NPEPPS: variants seen among roughly 807,000 people sequenced by gnomAD.
NPEPPS encodes the protein aminopeptidase puromycin sensitive, also known as puromycin-sensitive aminopeptidase.
In NPEPPS, 14 loss-of-function variants were observed where a neutral mutation model predicts 115.5. That is an observed-to-expected ratio of 0.12 (90% CI 0.08 to 0.19). The LOEUF (loss-of-function observed/expected upper bound fraction) is 0.19, where lower values mean the gene tolerates loss of function less well. Ranked by LOEUF, NPEPPS falls within the 10% of genes least tolerant of loss-of-function variation. The probability of loss-of-function intolerance (pLI) is 1.00; values close to 1 mark genes in which losing one functional copy is unlikely to be tolerated. For missense variants in NPEPPS, 523 were observed against 1,110.8 expected, an observed-to-expected ratio of 0.47 and a Z score of 7.52; for synonymous variants, 285 against 390.6, an observed-to-expected ratio of 0.73 and a Z score of 3.19.
chr17:47,605,632 T>C (rs1448334432), intron 17 of NPEPPS, 80 bp downstream of exon 17: 3 of 851,318 alleles, frequency 3.5e-6, no homozygotes, highest in Non-Finnish European at 5.6e-6. Context: ...ATTAATATCA[T>C]CTTTGTATCT....
chr17:47,619,933 T>C (rs996346382), intron 22 of NPEPPS, 149 bp downstream of exon 22: 8 of 635,796 alleles, frequency 1.3e-5, no homozygotes, highest in Admixed American at 1.1e-4. Context: ...TAGGCCATAT[T>C]AAGAATTTCC....
chr17:47,601,955 T>C (rs935430384), intron 15 of NPEPPS: 6 of 535,938 alleles, frequency 1.1e-5, no homozygotes, highest in Non-Finnish European at 1.9e-5. Context: ...TCCAAAGGCA[T>C]AGGACTAAGG....
At chr17:47,608,981 G>A (rs746134334) in intron 17 of NPEPPS, among the ~76,000 whole-genome samples, 2 of 152,046 alleles carry the variant, frequency 1.3e-5, no homozygotes, top group African/African-American at 4.8e-5. Flanking sequence ...GAGAGGAAAT[G>A]GAGACAACAC....
chr17:47,586,929 T>C (rs2143857007), intron 8 of NPEPPS: 1 of 400,408 alleles, frequency 2.5e-6, no homozygotes, highest in South Asian at 2.1e-5. Context: ...GACTTTCTTC[T>C]CTCTCCATCT....
chr17:47,551,205 C>T (rs1166861550), intron 2 of NPEPPS, among the ~76,000 whole-genome samples: 7 of 151,974 alleles, frequency 4.6e-5, no homozygotes, highest in African/African-American at 1.7e-4. Flanking sequence ...GATGTGTATA[C>T]ATGAATAACT....
intron 3 of NPEPPS, among the ~76,000 whole-genome samples, chr17:47,572,066 G>A (rs1223321102): frequency 6.6e-6 from 1 of 151,998 alleles, no homozygotes; most frequent in African/African-American, 2.4e-5. Flanking sequence ...ATCATGCATG[G>A]CAGAGGGCAG....
intron 14 of NPEPPS, among the ~76,000 whole-genome samples, chr17:47,601,102 G>T (rs1261833605): frequency 6.6e-6 from 1 of 151,994 alleles, no homozygotes; most frequent in Non-Finnish European, 1.5e-5. Context: ...GGGCATGGTG[G>T]CACACACCTG....
At chr17:47,543,091 C>G (rs189041982) in intron 1 of NPEPPS, among the ~76,000 whole-genome samples, 130 of 148,968 alleles carry the variant, frequency 8.7e-4, no homozygotes, top group African/African-American at 3.0e-3. Flanking sequence ...GAGCCAAGAT[C>G]GCAAGATCGC....
intron 21 of NPEPPS, 81 bp from the exon 22 acceptor site, chr17:47,619,654 CAG>C (rs1179476983): frequency 2.6e-6 from 3 of 1,132,436 alleles, no homozygotes; most frequent in Non-Finnish European, 4.0e-6. Flanking sequence ...TGGCAGAGAA[CAG>C]AATGATTTAT....
chr17:47,594,332 G>T lies in NPEPPS; in HGVS notation c.1426+1787G>T, dbSNP rs1029402083. Among the ~76,000 whole-genome samples, 69 of 151,332 alleles carry T rather than the reference G, an allele frequency of 4.6e-4. 1 individual carries two copies. The highest frequency in any genetic ancestry group is 2.6e-4 in the Admixed American group (4 of 15,168). The stretch of plus-strand genomic sequence containing the variant: ...TTTATAAAAATAATTTTTCTTTCTT[G>T]AATAATAAATTAACCTTAGCTTACT... On this transcript the variant is annotated intron_variant, in intron 12 of 22. Transcript: ENST00000322157.
chr17:47,612,886 C>T (rs953176313), intron 18 of NPEPPS, among the ~76,000 whole-genome samples: 28 of 152,150 alleles, frequency 1.8e-4, no homozygotes, highest in Non-Finnish European at 3.5e-4. Flanking sequence ...TCGTCTCGAA[C>T]TCCTGACCTC....
At chr17:47,604,553 G>C (rs185185083) in intron 16 of NPEPPS, among the ~76,000 whole-genome samples, 1 of 152,190 alleles carries the variant, frequency 6.6e-6, no homozygotes, top group South Asian at 2.1e-4. Flanking sequence ...TGACTTCAGC[G>C]TAGGTTAGGT....
At chr17:47,578,118 C>T (rs1911636675) in intron 3 of NPEPPS, among the ~76,000 whole-genome samples, 1 of 150,394 alleles carries the variant, frequency 6.6e-6, no homozygotes, top group African/African-American at 2.4e-5. Flanking sequence ...GGCACAATTG[C>T]TTGAACCCAG....
intron 18 of NPEPPS, among the ~76,000 whole-genome samples, chr17:47,612,928 G>A (rs1402217133): frequency 6.6e-6 from 1 of 152,148 alleles, no homozygotes; most frequent in African/African-American, 2.4e-5. Context: ...CTCCCAAAGC[G>A]CTGGGATTAC....
intron 2 of NPEPPS, among the ~76,000 whole-genome samples, chr17:47,557,720 TC>T (rs1443836841): frequency 6.7e-6 from 1 of 148,914 alleles, no homozygotes; most frequent in Non-Finnish European, 1.5e-5. Flanking sequence ...TGCTGCTGCT[TC>T]TTTCCTATTT....
chr17:47,549,795 A>T (rs1223054686), intron 2 of NPEPPS, among the ~76,000 whole-genome samples: 1 of 150,710 alleles, frequency 6.6e-6, no homozygotes, highest in Non-Finnish European at 1.5e-5. Context: ...AAAAAAAAAA[A>T]AAAAAAAGTT....
At chr17:47,580,186 CTTGTTTGG>C (rs2143835167) in intron 4 of NPEPPS, 1 of 152,104 alleles carries the variant, frequency 6.6e-6, no homozygotes, top group East Asian at 1.9e-4. Flanking sequence ...ATATTGTTTG[CTTGTTTGG>C]GATAACCTAA....
intron 1 of NPEPPS, among the ~76,000 whole-genome samples, chr17:47,538,282 T>C (rs1299123402): frequency 7.1e-6 from 1 of 140,088 alleles, no homozygotes; most frequent in Non-Finnish European, 1.5e-5. Flanking sequence ...TGGTGCGATC[T>C]CGGCTCACTG....
rs1051609568 is a variant in NPEPPS, at chr17:47,598,667, A to G, written c.1537-1009A>G. ...CACATAAAACAGATTATTAAGCCGT[A>G]ATTTTTTCTTAAAGCAGAACACACT... is the stretch of plus-strand genomic sequence containing the variant. On this transcript the variant is annotated intron_variant, in intron 13 of 22. Coordinates refer to ENST00000322157, the MANE Select transcript of NPEPPS (RefSeq NM_006310.4). Among the ~76,000 whole-genome samples, 71 of 152,264 alleles carry G rather than the reference A, an allele frequency of 4.7e-4. 1 individual carries two copies. The highest frequency in any genetic ancestry group is 1.6e-3 in the African/African-American group (66 of 41,472).
Sources: allele counts gnomAD v4.1 joint callset (sites outside exome capture counted in the v4.1 genomes callset), GRCh38; gene constraint gnomAD v4.1.1; transcripts MANE v1.5; gene names NCBI Gene and HGNC (gene_info 2026-07-23, HGNC 2026-07-21).